The following COL4A5 variants were observed in gnomAD, a reference collection of about 807,000 sequenced individuals.
COL4A5 encodes the protein collagen type IV alpha 5 chain.
A neutral mutation model predicts 130.2 loss-of-function variants in COL4A5; 26 were observed. The ratio of observed to expected loss-of-function variants is 0.20; its 90% confidence interval spans 0.15 to 0.28. COL4A5 has a LOEUF of 0.28. Ranked by LOEUF, COL4A5 falls within the 10% of genes least tolerant of loss-of-function variation. COL4A5 has a pLI of 1.00. For missense variants in COL4A5, 1,131 were observed against 1,344.3 expected, an observed-to-expected ratio of 0.84 and a Z score of 2.48; for synonymous variants, 496 against 439.6, an observed-to-expected ratio of 1.13 and a Z score of -1.60.
chrX:108,686,992 T>C (rs2068558137), intron 48 of COL4A5, among the ~76,000 whole-genome samples: 1 of 111,964 alleles, frequency 8.9e-6, no homozygotes, highest in African/African-American at 3.2e-5. Context: ...CAAAGGCCTG[T>C]ATATACAGAA....
chrX:108,499,840 A>G (rs1390995143), intron 1 of COL4A5, among the ~76,000 whole-genome samples: 1 of 111,724 alleles, frequency 9.0e-6, no homozygotes, highest in Non-Finnish European at 1.9e-5. Context: ...ACGTTTATAT[A>G]TAATATGAAG....
Position 108,590,442 on chromosome X carries a change from AATT to A in COL4A5, c.1166-611_1166-609del, listed in dbSNP as rs1308030835. Among the ~76,000 whole-genome samples the A allele has an allele frequency of 2.7e-5, 3 of 111,807 alleles. No individual in the cohort carries two copies. The East Asian group carries it at 8.3e-4, about 31-fold the overall frequency. ...AATTACTAAATAGAGAAATAAATTT[AATT>A]ATTACTTGATGTGAAAAACCAATAT... On this transcript the variant is annotated intron_variant, in intron 19 of 52. Coordinates refer to ENST00000328300, the MANE Select transcript of COL4A5 (RefSeq NM_033380.3).
intron 50 of COL4A5, among the ~76,000 whole-genome samples, chrX:108,693,437 T>C (rs1366848978): frequency 9.0e-6 from 1 of 111,413 alleles, no homozygotes; most frequent in Non-Finnish European, 1.9e-5. Context: ...AAAGGTTATG[T>C]TGGGAGAAAA....
At chrX:108,652,357 C>T (rs2067748223) in intron 36 of COL4A5, among the ~76,000 whole-genome samples, 1 of 112,604 alleles carries the variant, frequency 8.9e-6, no homozygotes, top group South Asian at 3.6e-4. Context: ...TCTCCAAATA[C>T]AGATAAGGTT....
intron 36 of COL4A5, among the ~76,000 whole-genome samples, chrX:108,644,960 C>A (rs954973746): frequency 9.3e-6 from 1 of 107,396 alleles, no homozygotes; most frequent in Non-Finnish European, 1.9e-5. Context: ...AAGAAACATG[C>A]TCCTAAATGA....
intron 16 of COL4A5, 22 bp downstream of exon 16, chrX:108,581,049 C>G: frequency 8.4e-7 from 1 of 1,190,112 alleles, no homozygotes; most frequent in Non-Finnish European, 1.1e-6. Flanking sequence ...AGGTTCTTTC[C>G]CCCTGCAAAA....
intron 29 of COL4A5, among the ~76,000 whole-genome samples, chrX:108,611,799 C>T (rs997732319): frequency 9.0e-6 from 1 of 110,587 alleles, no homozygotes; most frequent in African/African-American, 3.3e-5. Flanking sequence ...CCAACCATTA[C>T]ATGAGGCCAG....
chrX:108,507,588 C>T (rs2065138674), intron 1 of COL4A5, among the ~76,000 whole-genome samples: 1 of 111,710 alleles, frequency 9.0e-6, no homozygotes, highest in South Asian at 3.7e-4. Flanking sequence ...GTGGGTGGAT[C>T]ACAAGGTCAG....
At chrX:108,571,002 T>G (rs185053424) in intron 6 of COL4A5, among the ~76,000 whole-genome samples, 1 of 111,754 alleles carries the variant, frequency 8.9e-6, no homozygotes, top group Admixed American at 9.5e-5. Flanking sequence ...CTTTTCCCCT[T>G]TACAAAAATA....
intron 1 of COL4A5, among the ~76,000 whole-genome samples, chrX:108,484,349 T>C (rs1334769718): frequency 8.9e-6 from 1 of 111,925 alleles, no homozygotes; most frequent in Non-Finnish European, 1.9e-5. Flanking sequence ...GATGTTTTCC[T>C]GGATAGTCAT....
intron 6 of COL4A5, among the ~76,000 whole-genome samples, chrX:108,570,167 A>G (rs1029520850): frequency 2.6e-4 from 29 of 111,490 alleles, no homozygotes; most frequent in African/African-American, 8.8e-4. Flanking sequence ...AATAATAATA[A>G]TTTTTAAAAA....
At chrX:108,598,954 G>A (rs2066576126) in intron 25 of COL4A5, 84 bp downstream of exon 25, 4 of 984,727 alleles carry the variant, frequency 4.1e-6, no homozygotes, top group Admixed American at 2.3e-5. Flanking sequence ...TTCCTTTCCC[G>A]AGAGGTGTGT....
At chrX:108,603,275 A>C (rs1053740878) in intron 28 of COL4A5, among the ~76,000 whole-genome samples, 5 of 107,025 alleles carry the variant, frequency 4.7e-5, no homozygotes, top group Admixed American at 1.0e-4. Context: ...AAAAAAAAAA[A>C]AACCTAATTT....
intron 3 of COL4A5, 135 bp from the exon 4 acceptor site, chrX:108,563,747 T>C (rs1415259573): frequency 4.3e-5 from 22 of 511,065 alleles, no homozygotes; most frequent in Non-Finnish European, 6.3e-5. Flanking sequence ...TAAATGCTTC[T>C]TCCTTGGGTG....
At chrX:108,474,488 C>G (rs1040183323) in intron 1 of COL4A5, among the ~76,000 whole-genome samples, 2 of 111,874 alleles carry the variant, frequency 1.8e-5, no homozygotes, top group African/African-American at 6.5e-5. Context: ...TGTGCAGGTA[C>G]ACTCTATGAT....
At chrX:108,588,168 A>G (rs1277589115) in intron 19 of COL4A5, among the ~76,000 whole-genome samples, 1 of 111,160 alleles carries the variant, frequency 9.0e-6, no homozygotes, top group East Asian at 2.8e-4. Context: ...AAATAGGGTA[A>G]TAATAGTGAT....
intron 32 of COL4A5, among the ~76,000 whole-genome samples, chrX:108,622,335 G>A (rs1268840752): frequency 2.7e-5 from 3 of 110,982 alleles, no homozygotes; most frequent in Non-Finnish European, 5.7e-5. Flanking sequence ...TTTTCACCAT[G>A]TTAGCAAGGA....
At chrX:108,658,126 C>T (rs1018674685) in intron 37 of COL4A5, among the ~76,000 whole-genome samples, 32 of 110,853 alleles carry the variant, frequency 2.9e-4, no homozygotes, top group African/African-American at 1.0e-3. Flanking sequence ...TTAAGGAAAT[C>T]CCTTTCTAGT....
rs2066799241 is a variant in COL4A5 at position 108,609,901 on chromosome X, C to G, written c.2395+3009C>G. Among the ~76,000 whole-genome samples the G allele has an allele frequency of 2.7e-5, 3 of 109,422 alleles. No homozygotes were observed. The Admixed American group carries it at 3.0e-4, about 11-fold the overall frequency. On this transcript the variant is annotated intron_variant, in intron 29 of 52. Coordinates refer to ENST00000328300, the MANE Select transcript of COL4A5 (RefSeq NM_033380.3). ...TTGCTGTCATTAAGCCAGTACCACA[C>G]TGTTTATATTACTGTAGCTTTATAG... is the stretch of plus-strand genomic sequence containing the variant.
Sources: gnomAD v4.1 joint callset for allele counts (sites outside exome capture counted in the v4.1 genomes callset) on GRCh38, gnomAD v4.1.1 for gene constraint, MANE v1.5 for transcripts, NCBI Gene and HGNC (gene_info 2026-07-23, HGNC 2026-07-21) for gene names.